Variants in HMMR observed in about 807,000 individuals in gnomAD.
HMMR encodes intracellular hyaluronic acid-binding protein.
Under a neutral mutation model 101.0 loss-of-function variants are expected in HMMR, and 108 were observed. The ratio of observed to expected loss-of-function variants is 1.07; its 90% CI spans 0.92 to 1.25. The LOEUF is 1.25. Ranked by LOEUF, HMMR falls within the 50% of genes most tolerant of loss-of-function variation. HMMR has a pLI of 0.00. For synonymous variants in HMMR, 296 were observed against 276.4 expected (o/e 1.07, Z -0.70); for missense variants, 813 against 788.7 (o/e 1.03, Z -0.37).
At chr5:163,469,906 G>C in intron 5 of HMMR, 77 bp downstream of exon 5, 1 of 994,508 alleles carries the variant, frequency 1.0e-6, no homozygotes, top group Non-Finnish European at 1.5e-6. Context: ...GGTGGCTCAC[G>C]CCTGTGTTCC....
chr5:163,476,512 A>G (rs1042160453), intron 11 of HMMR, among the ~76,000 whole-genome samples: 6 of 152,164 alleles, frequency 3.9e-5, no homozygotes, highest in Non-Finnish European at 5.9e-5. Flanking sequence ...GCACATGCCT[A>G]AAGTCCCAGC....
At chr5:163,472,266 C>A (rs1758921691) in intron 7 of HMMR, among the ~76,000 whole-genome samples, 1 of 152,014 alleles carries the variant, frequency 6.6e-6, no homozygotes, top group South Asian at 2.1e-4. Context: ...CAAGATTCAT[C>A]CAAACCGTTC....
intron 16 of HMMR, among the ~76,000 whole-genome samples, chr5:163,488,115 A>G (rs868269402): frequency 6.6e-6 from 1 of 152,158 alleles, no homozygotes; most frequent in Non-Finnish European, 1.5e-5. Flanking sequence ...TTTGGCCTCA[A>G]AATGCTGGGA....
At chr5:163,487,079 C>T (rs1043057696) in intron 16 of HMMR, among the ~76,000 whole-genome samples, 1 of 152,066 alleles carries the variant, frequency 6.6e-6, no homozygotes, top group African/African-American at 2.4e-5. Flanking sequence ...ACAAAGATGT[C>T]GATTTGTCAT....
At position 163,491,171 on chromosome 5, in the gene HMMR, G is replaced by A. The variant is rs200193706; in HGVS notation, c.*7G>A. 117 of 1,498,228 alleles carry A rather than the reference G, an allele frequency of 7.8e-5. No homozygotes were observed. Among genetic ancestry groups the A allele is most frequent in the Middle Eastern group, 3.4e-4 (2 of 5,814 alleles). 92.8% of individuals were successfully genotyped at this position (1,498,228 alleles called of 1,614,324 possible). ...TCAAGAATCATGGAAGTAAACATCTGAGAAACCTGTTGAAGATTATTTCAT... is the reference window on the plus strand; with the variant it reads ...TCAAGAATCATGGAAGTAAACATCTAAGAAACCTGTTGAAGATTATTTCAT... On this transcript the variant is annotated 3_prime_UTR_variant, in exon 18 of 18. Coordinates refer to ENST00000393915, the MANE Select transcript of HMMR (RefSeq NM_001142556.2).
At chr5:163,480,722 G>A in intron 12 of HMMR, among the ~76,000 whole-genome samples, 1 of 152,050 alleles carries the variant, frequency 6.6e-6, no homozygotes. Context: ...AGTGTAAAAT[G>A]GCTTCTTATT....
At position 163,473,519 on chromosome 5, in the gene HMMR, A is replaced by G; in HGVS notation, c.866A>G (p.Asp289Gly). 6.3e-7 allele frequency: 1 copy of G among 1,583,998 alleles called. No homozygotes were observed. Among genetic ancestry groups the G allele is most frequent in the Non-Finnish European group, 8.6e-7 (1 of 1,163,516 alleles). ...NIVILSKQVE[D>G]LNVKCQLLEK... ...GTTATATTATCTAAACAAGTAGAAG[A>G]TCTAAATGTGAAATGTCAGCTGCTT... The change falls in exon 9 of 18, where the codon GAT becomes GGT. Residue 289 changes from aspartate to glycine, a missense_variant. By Grantham distance (94) the Asp-to-Gly change is moderately conservative (BLOSUM62 -1). Coordinates refer to ENST00000393915, the MANE Select transcript of HMMR (RefSeq NM_001142556.2).
chr5:163,471,030 A>G (rs1445308027), intron 5 of HMMR, among the ~76,000 whole-genome samples, 155 bp from the exon 6 acceptor site: 2 of 152,178 alleles, frequency 1.3e-5, no homozygotes, highest in African/African-American at 4.8e-5. Context: ...ATCAATCAGT[A>G]ATTATGGTGT....
At chr5:163,484,955 T>G (rs1190505611) in intron 16 of HMMR, among the ~76,000 whole-genome samples, 1 of 152,178 alleles carries the variant, frequency 6.6e-6, no homozygotes, top group Non-Finnish European at 1.5e-5. Context: ...AGTACTTTAT[T>G]TTTTTTATAG....
intron 11 of HMMR, among the ~76,000 whole-genome samples, chr5:163,476,180 G>A (rs572555301): frequency 2.6e-5 from 4 of 152,052 alleles, no homozygotes; most frequent in Admixed American, 6.6e-5. Flanking sequence ...AGCTGGGCAC[G>A]GTGGTGTGTG....
At chr5:163,478,615 A>G (rs1354348891) in intron 11 of HMMR, 69 bp from the exon 12 acceptor site, 4 of 880,798 alleles carry the variant, frequency 4.5e-6, no homozygotes, top group Non-Finnish European at 7.8e-6. Flanking sequence ...TCAAAGGTAA[A>G]TACTATTTTC....
At chr5:163,478,634 GGTAGTAATT>G in intron 11 of HMMR, 41 bp from the exon 12 acceptor site, 1 of 1,008,152 alleles carries the variant, frequency 9.9e-7, no homozygotes, top group Non-Finnish European at 1.6e-6. Context: ...TCTTTCTTAG[GGTAGTAATT>G]GTAGGTGGCA....
At position 163,491,804 on chromosome 5, in the gene HMMR, C is replaced by T. The variant is rs911418333; in HGVS notation, c.*640C>T. On this transcript the variant is annotated 3_prime_UTR_variant, in exon 18 of 18. Transcript: ENST00000393915. The stretch of plus-strand genomic sequence containing the variant: ...ACTCTTCAGTTAATTCTTAGATACA[C>T]TAAAAATCTGAGAAACTCTACATGT... 1 of 152,140 alleles carries T rather than the reference C, an allele frequency of 6.6e-6. No homozygotes were observed. The highest frequency in any genetic ancestry group is 2.4e-5 in the African/African-American group (1 of 41,424). 9.4% of individuals were successfully genotyped at this position (152,140 alleles called of 1,614,324 possible). A position where few individuals can be genotyped will look rare whatever the true frequency, so the allele number is the denominator to read the frequency against.
At chr5:163,469,257 G>C (rs1047684954) in intron 4 of HMMR, among the ~76,000 whole-genome samples, 1 of 151,788 alleles carries the variant, frequency 6.6e-6, no homozygotes, top group Admixed American at 6.6e-5. Flanking sequence ...CCAGCTATTC[G>C]GGAGGCTGAG....
chr5:163,474,403 A>G (rs1759003829), intron 10 of HMMR, 198 bp downstream of exon 10: 1 of 553,936 alleles, frequency 1.8e-6, no homozygotes, highest in Non-Finnish European at 3.3e-6. Flanking sequence ...GTTATGAATA[A>G]TGTGGGAAAA....
chr5:163,484,345 A>G (rs977872420), intron 16 of HMMR, 100 bp downstream of exon 16: 1 of 628,748 alleles, frequency 1.6e-6, no homozygotes, highest in South Asian at 2.7e-5. Context: ...TCAGAAAAAA[A>G]TAACTGTTTA....
chr5:163,466,413 T>C (rs299287), intron 3 of HMMR, among the ~76,000 whole-genome samples: 57,555 of 152,182 alleles, frequency 0.38, 11,703 homozygotes, highest in East Asian at 0.54. Context: ...TATGTTGTTC[T>C]GTATGGAAGC....
At chr5:163,461,192 T>C (rs948958231) in intron 1 of HMMR, among the ~76,000 whole-genome samples, 1 of 152,166 alleles carries the variant, frequency 6.6e-6, no homozygotes, top group Non-Finnish European at 1.5e-5. Flanking sequence ...GGTGTAAAAT[T>C]AGAGCAGCAG....
In HMMR at chr5:163,465,938, G is replaced by A. The variant is rs191681754; in HGVS notation, c.225+1136G>A. ...GTGGTGCCACTGTACTCCAGCCTGGGCAACAGAGCGAGACTCAGTCTCTCC... is the reference window on the plus strand; with the variant it reads ...GTGGTGCCACTGTACTCCAGCCTGGACAACAGAGCGAGACTCAGTCTCTCC... On this transcript the variant is annotated intron_variant, in intron 3 of 17. Transcript: ENST00000393915. 3.7e-4 allele frequency among the ~76,000 whole-genome samples: 54 copies of A among 145,572 alleles called. No homozygotes were observed. In the East Asian group the frequency reaches 9.4e-3, roughly 25 times the overall value.
Sources: allele counts gnomAD v4.1 joint callset (sites outside exome capture counted in the v4.1 genomes callset), GRCh38; gene constraint gnomAD v4.1.1; transcripts MANE v1.5; gene names NCBI Gene and HGNC (gene_info 2026-07-23, HGNC 2026-07-21).